TTLL9: variants seen among roughly 807,000 people sequenced by gnomAD.
TTLL9 encodes the protein probable tubulin polyglutamylase TTLL9.
Under a neutral mutation model 65.6 loss-of-function variants are expected in TTLL9, and 47 were observed. That is an observed-to-expected ratio of 0.72 (90% confidence interval 0.57 to 0.91). The LOEUF is 0.91. TTLL9 is among the 40% of genes least tolerant of loss of function. The pLI is 0.00. For missense variants in TTLL9, 537 were observed against 568.8 expected (o/e 0.94, Z 0.57); for synonymous variants, 179 against 204.8 (o/e 0.87, Z 1.07).
chr20:31,873,690 GAAAGAA>G (rs2062976097), intron 2 of TTLL9, among the ~76,000 whole-genome samples: 11 of 51,716 alleles, frequency 2.1e-4, no homozygotes, highest in African/African-American at 5.6e-4. Context: ...GAGAGAGAAA[GAAAGAA>G]AGAAAGAAAG....
chr20:31,890,206 T>TCTTTCTTTCTTTCTTTCTCTTC (rs1568754263), intron 3 of TTLL9, among the ~76,000 whole-genome samples: 1 of 146,014 alleles, frequency 6.8e-6, no homozygotes, highest in Non-Finnish European at 1.5e-5. Flanking sequence ...TCTTTCTCTT[T>TCTTTCTTTCTTTCTTTCTCTTC]CTTTCATCAA....
intron 10 of TTLL9, among the ~76,000 whole-genome samples, chr20:31,926,821 T>A (rs1246330883): frequency 6.6e-6 from 1 of 152,188 alleles, no homozygotes. Flanking sequence ...AAAAATTATA[T>A]CTGGTCAGAT....
At chr20:31,936,675 T>C (rs1422425934) in intron 12 of TTLL9, among the ~76,000 whole-genome samples, 1 of 152,120 alleles carries the variant, frequency 6.6e-6, no homozygotes, top group African/African-American at 2.4e-5. Context: ...GGGTGCCACC[T>C]ACAGTGTGCA....
chr20:31,912,136 T>C (rs562833515), intron 6 of TTLL9, among the ~76,000 whole-genome samples: 46 of 152,320 alleles, frequency 3.0e-4, no homozygotes, highest in African/African-American at 1.1e-3. Context: ...TTACAAATTA[T>C]ATCAAGGGCT....
At chr20:31,900,252 T>C (rs549830609) in intron 4 of TTLL9, among the ~76,000 whole-genome samples, 57 of 152,352 alleles carry the variant, frequency 3.7e-4, no homozygotes, top group African/African-American at 1.4e-3. Context: ...TTCGCATGCA[T>C]GATCTTTTAA....
chr20:31,903,022 C>T (rs535525230), intron 4 of TTLL9, among the ~76,000 whole-genome samples: 5 of 152,274 alleles, frequency 3.3e-5, no homozygotes, highest in Admixed American at 2.6e-4. Flanking sequence ...CACCACCATA[C>T]CTTGCTAAAT....
chr20:31,908,600 G>C lies in TTLL9; in HGVS notation c.216G>C (p.Glu72Asp). The change falls in exon 5 of 15, where the codon GAG becomes GAC. Residue 72 changes from glutamate (E) to aspartate (D), a missense_variant. Physicochemically the swap from Glu to Asp is conservative, Grantham distance 45. Coordinates refer to ENST00000535842, the MANE Select transcript of TTLL9 (RefSeq NM_001008409.5). ...PGWVEVKDEG[E>D]WDFYWCDVSW... ...CCCACCCCACCCCCAGCGAAGGGGA[G>C]TGGGATTTCTACTGGTGTGACGTCA... 1 of 1,613,942 alleles carries C rather than the reference G, an allele frequency of 6.2e-7. No homozygotes were observed. The highest frequency in any genetic ancestry group is 8.5e-7 in the Non-Finnish European group (1 of 1,179,824).
At chr20:31,908,234 T>C (rs2063589699) in intron 4 of TTLL9, among the ~76,000 whole-genome samples, 1 of 152,192 alleles carries the variant, frequency 6.6e-6, no homozygotes. Flanking sequence ...CAAGTGAGGC[T>C]GAGTGGCTGT....
At chr20:31,912,553 G>C (rs2063670929) in intron 6 of TTLL9, among the ~76,000 whole-genome samples, 1 of 151,738 alleles carries the variant, frequency 6.6e-6, no homozygotes, top group Non-Finnish European at 1.5e-5. Flanking sequence ...TAGCAGTCAG[G>C]GTTCTCCAGA....
At chr20:31,899,758 C>A (rs970997770) in intron 4 of TTLL9, among the ~76,000 whole-genome samples, 1 of 151,570 alleles carries the variant, frequency 6.6e-6, no homozygotes, top group African/African-American at 2.4e-5. Context: ...ACAAGGGAAT[C>A]TGGAAAATGT....
intron 2 of TTLL9, chr20:31,879,921 G>C: frequency 1.4e-6 from 2 of 1,473,368 alleles, no homozygotes; most frequent in Non-Finnish European, 1.8e-6. Flanking sequence ...TGACCCAGAT[G>C]CTTTTATCGT....
chr20:31,879,394 T>C (rs1260199264), intron 2 of TTLL9, among the ~76,000 whole-genome samples: 3 of 152,156 alleles, frequency 2.0e-5, no homozygotes, highest in African/African-American at 4.8e-5. Flanking sequence ...CAACATCTAA[T>C]GTTGGTGAGG....
chr20:31,890,004 TTCTTTC>T lies in TTLL9; in HGVS notation c.113+2767_113+2772del, dbSNP rs2063268404. ...TTTCTTTCTTTCTTTCTTTCTTTCT[TTCTTTC>T]TTTCTTTCTTTCTTTCTTTCTTTCC... is the stretch of plus-strand genomic sequence containing the variant. On this transcript the variant is annotated intron_variant, in intron 3 of 14. Coordinates refer to ENST00000535842, the MANE Select transcript of TTLL9 (RefSeq NM_001008409.5). Among the ~76,000 whole-genome samples, 4 of 139,022 alleles carry T rather than the reference TTCTTTC, an allele frequency of 2.9e-5. No individual in the cohort carries two copies. In the South Asian group the frequency reaches 8.9e-4, roughly 31 times the overall value. The allele number at this position is 139,022 out of a possible 152,430, so 91.2% of individuals were successfully genotyped here.
At chr20:31,922,932 A>G (rs1052851769) in intron 7 of TTLL9, 31 bp from the exon 8 acceptor site, 1 of 1,557,940 alleles carries the variant, frequency 6.4e-7, no homozygotes, top group Non-Finnish European at 8.8e-7. Context: ...TCCATAAATA[A>G]ATGTTCAATT....
At chr20:31,934,635 C>G in intron 11 of TTLL9, 57 bp from the exon 12 acceptor site, 1 of 1,481,086 alleles carries the variant, frequency 6.8e-7, no homozygotes. Flanking sequence ...AGGGTCCTAG[C>G]AGGCCAGGTC....
intron 10 of TTLL9, among the ~76,000 whole-genome samples, chr20:31,926,992 G>C (rs1348942419): frequency 6.6e-6 from 1 of 151,752 alleles, no homozygotes; most frequent in African/African-American, 2.4e-5. Context: ...TCACATGCCT[G>C]TACTCCCAGC....
rs555086886 is a variant in TTLL9 at position 31,907,635 on chromosome 20, C to T, written c.207-956C>T. On this transcript the variant is annotated intron_variant, in intron 4 of 14. Coordinates refer to ENST00000535842, the MANE Select transcript of TTLL9 (RefSeq NM_001008409.5). ...ACTCGGGAGGCTGAGGAAGGAAAAT[C>T]GCTTGAACCCGGGAGGAGGAGGTTG... Among the ~76,000 whole-genome samples, 24 of 151,882 alleles carry T rather than the reference C, an allele frequency of 1.6e-4. No individual in the cohort carries two copies. The South Asian group carries it at 4.0e-3, about 25-fold the overall frequency.
In TTLL9 at chr20:31,939,262, T is replaced by C. The variant is rs6061043; in HGVS notation, c.1239T>C (p.His413=). 0.41 allele frequency: 659,200 copies of C among 1,611,962 alleles called. 143,012 individuals carry two copies. Among genetic ancestry groups the C allele is most frequent in the African/African-American group, 0.75 (55,958 of 74,752 alleles). The part of the protein sequence containing the change: ...SGMGNFVTNT[H]LGCVNDRKKQ... Reference sequence around the variant, plus strand: ...TGGGAAACTTTGTGACCAACACACATCTCGGTATGTAGGGCCAGGTGGGGA... The same window carrying C: ...TGGGAAACTTTGTGACCAACACACACCTCGGTATGTAGGGCCAGGTGGGGA... Residue 413 remains histidine, a synonymous_variant, in exon 14 of 15, where the codon CAT becomes CAC. Transcript: ENST00000535842.
chr20:31,909,838 CA>C lies in TTLL9; in HGVS notation c.424del (p.Thr142ProfsTer12). ...AGGCAGCCAAGTGTGACTTCTTCCC[CA>C]AAACCTTTGAGATGCCTTGCGAGTA... ...LEAAKCDFFP[K>X]TFEMPCEYHL... On this transcript the variant is annotated frameshift_variant, in exon 6 of 15. Coordinates refer to ENST00000535842, the MANE Select transcript of TTLL9 (RefSeq NM_001008409.5). LOFTEE classifies it high-confidence loss of function. 1 of 1,612,322 alleles carries C rather than the reference CA, an allele frequency of 6.2e-7. No individual in the cohort carries two copies. The highest frequency in any genetic ancestry group is 2.2e-5 in the East Asian group (1 of 44,768).
Sources: gnomAD v4.1 joint callset for allele counts (sites outside exome capture counted in the v4.1 genomes callset) on GRCh38, gnomAD v4.1.1 for gene constraint, MANE v1.5 for transcripts, NCBI Gene and HGNC (gene_info 2026-07-23, HGNC 2026-07-21) for gene names.